Variants in VWDE observed in about 807,000 individuals in gnomAD.
The protein encoded by VWDE is von Willebrand factor D and EGF domain-containing protein.
VWDE carries 207 observed loss-of-function variants against 178.4 expected under a neutral mutation model. That is an observed-to-expected ratio of 1.16 (90% confidence interval 1.04 to 1.30). The LOEUF is 1.30. Ranked by LOEUF, VWDE falls within the 50% of genes most tolerant of loss-of-function variation. The probability of loss-of-function intolerance (pLI) is 0.00; values close to 1 mark genes in which losing one functional copy is unlikely to be tolerated. For missense variants in VWDE, 2,287 were observed against 1,901.3 expected (o/e 1.20, Z -3.77); for synonymous variants, 738 against 651.4 (o/e 1.13, Z -2.02).
In VWDE at chr7:12,372,972, C is replaced by G; in HGVS notation, c.1587+5G>C. ...ATACTTTCAATGTTAAAGAATCATA[C>G]ATACTGTGACTTTTCTTCCTAAGTA... is the stretch of plus-strand genomic sequence containing the variant. On this transcript the variant is annotated splice_donor_5th_base_variant and intron_variant, in intron 10 of 28. Transcript: ENST00000275358. 1 of 1,550,374 alleles carries G rather than the reference C, an allele frequency of 6.5e-7. No homozygotes were observed. The highest frequency in any genetic ancestry group is 2.4e-5 in the East Asian group (1 of 40,892).
rs141845892 is a variant in VWDE, at chr7:12,383,519, C to A, written c.541+17G>T. 164 of 1,547,896 alleles carry A rather than the reference C, an allele frequency of 1.1e-4. 1 individual carries two copies. In the African/African-American group the frequency reaches 2.0e-3, roughly 18 times the overall value. On this transcript the variant is annotated intron_variant, in intron 4 of 28. Coordinates refer to ENST00000275358, the MANE Select transcript of VWDE (RefSeq NM_001135924.3). Reference sequence around the variant, plus strand: ...GTTTATAAAAACACTATTAAAAAAGCAAAATATGATACTTACGAACACAAT... The same window carrying A: ...GTTTATAAAAACACTATTAAAAAAGAAAAATATGATACTTACGAACACAAT...
At position 12,399,908 on chromosome 7, in the gene VWDE, A is replaced by G. The variant is rs190299679; in HGVS notation, c.58+3751T>C. 2.9e-3 allele frequency among the ~76,000 whole-genome samples: 437 copies of G among 152,296 alleles called. 1 individual carries two copies. The highest frequency in any genetic ancestry group is 8.7e-3 in the South Asian group (42 of 4,824). On this transcript the variant is annotated intron_variant, in intron 1 of 28. Transcript: ENST00000275358. ...GTGATTACAATGGAATGAAATTAGAACTCAATAACAATGAAATTTAAAAAA... is the reference window on the plus strand; with the variant it reads ...GTGATTACAATGGAATGAAATTAGAGCTCAATAACAATGAAATTTAAAAAA...
intron 18 of VWDE, among the ~76,000 whole-genome samples, chr7:12,352,883 T>C (rs898552898): frequency 8.5e-5 from 13 of 152,078 alleles, no homozygotes; most frequent in Admixed American, 6.6e-5. Context: ...TGCCCACCAA[T>C]TTTTTTTGTC....
chr7:12,394,568 G>A (rs1784541123), intron 1 of VWDE, among the ~76,000 whole-genome samples: 1 of 152,128 alleles, frequency 6.6e-6, no homozygotes, highest in Non-Finnish European at 1.5e-5. Flanking sequence ...CAGAAGAGCA[G>A]GCAGTGAAAC....
chr7:12,358,250 T>G (rs1367832649), intron 16 of VWDE, among the ~76,000 whole-genome samples: 2 of 152,048 alleles, frequency 1.3e-5, no homozygotes, highest in African/African-American at 4.8e-5. Flanking sequence ...GGTGGGTACC[T>G]GTAATTCCAG....
intron 15 of VWDE, among the ~76,000 whole-genome samples, chr7:12,360,134 C>G (rs73678126): frequency 0.015 from 2,226 of 152,194 alleles, 51 homozygotes; most frequent in African/African-American, 0.052. Context: ...GCCAACTAGA[C>G]CAGATCTTTG....
intron 13 of VWDE, among the ~76,000 whole-genome samples, chr7:12,362,912 T>C (rs1294834766): frequency 6.6e-6 from 1 of 152,108 alleles, no homozygotes; most frequent in East Asian, 1.9e-4. Flanking sequence ...CTCGGTTTCT[T>C]GTGCAGAAAG....
chr7:12,342,211 G>A, intron 22 of VWDE, 57 bp from the exon 23 acceptor site: 2 of 1,393,164 alleles, frequency 1.4e-6, no homozygotes, highest in Non-Finnish European at 2.0e-6. Flanking sequence ...TCATATTGTT[G>A]GTTATTATCT....
At chr7:12,388,549 C>G (rs1784217332) in intron 3 of VWDE, among the ~76,000 whole-genome samples, 1 of 152,146 alleles carries the variant, frequency 6.6e-6, no homozygotes, top group Admixed American at 6.5e-5. Flanking sequence ...ATTTAATTAT[C>G]TACTCATACA....
intron 9 of VWDE, among the ~76,000 whole-genome samples, chr7:12,373,881 C>T (rs560087797): frequency 6.6e-6 from 1 of 152,198 alleles, no homozygotes; most frequent in South Asian, 2.1e-4. Flanking sequence ...TAGTTATAAC[C>T]GTAAAGGATT....
chr7:12,369,073 T>C (rs1255171490), intron 12 of VWDE, among the ~76,000 whole-genome samples: 2 of 152,162 alleles, frequency 1.3e-5, no homozygotes, highest in Non-Finnish European at 2.9e-5. Flanking sequence ...TATAGATAGA[T>C]GCATTAGAGA....
At chr7:12,341,372 G>C (rs574415337) in intron 23 of VWDE, among the ~76,000 whole-genome samples, 8 of 152,252 alleles carry the variant, frequency 5.3e-5, no homozygotes, top group African/African-American at 1.9e-4. Context: ...AGTGGCTCAC[G>C]CTTGTAATCC....
intron 9 of VWDE, 62 bp downstream of exon 9, chr7:12,374,627 A>C: frequency 6.5e-6 from 8 of 1,233,276 alleles, no homozygotes; most frequent in Non-Finnish European, 9.1e-6. Flanking sequence ...ACACTGTTTA[A>C]AATAAAACAA....
intron 3 of VWDE, among the ~76,000 whole-genome samples, chr7:12,388,432 A>G (rs1187007353): frequency 6.6e-6 from 1 of 152,130 alleles, no homozygotes; most frequent in African/African-American, 2.4e-5. Context: ...GAAACAACTC[A>G]AATGCAGCCA....
Position 12,356,338 on chromosome 7 carries a change from AC to A in VWDE, c.3526-9del. 7 of 1,545,684 alleles carry A rather than the reference AC, an allele frequency of 4.5e-6. No individual in the cohort carries two copies. Among genetic ancestry groups the A allele is most frequent in the African/African-American group, 1.4e-5 (1 of 72,690 alleles). On this transcript the variant is annotated splice_polypyrimidine_tract_variant and intron_variant, in intron 17 of 28. Coordinates refer to ENST00000275358, the MANE Select transcript of VWDE (RefSeq NM_001135924.3). ...ACAAGACTTCACAGTCACCTACAAA[AC>A]AAAAAAAAAGGAAATGTCTTATTTT...
At chr7:12,341,727 G>A (rs1019976925) in intron 23 of VWDE, among the ~76,000 whole-genome samples, 2 of 152,094 alleles carry the variant, frequency 1.3e-5, no homozygotes, top group Admixed American at 6.5e-5. Context: ...AATGAAATAG[G>A]ATGTTTGTAT....
At chr7:12,364,213 C>T (rs1782736313) in intron 13 of VWDE, among the ~76,000 whole-genome samples, 1 of 152,078 alleles carries the variant, frequency 6.6e-6, no homozygotes, top group African/African-American at 2.4e-5. Flanking sequence ...TAGGTAGTTA[C>T]GTGTGTGTAT....
At position 12,334,042 on chromosome 7, in the gene VWDE, A is replaced by T. The variant is rs183319358; in HGVS notation, c.4655-474T>A. Among the ~76,000 whole-genome samples the T allele has an allele frequency of 3.3e-3, 498 of 152,274 alleles. 9 individuals are homozygous for T. Among genetic ancestry groups the T allele is most frequent in the African/African-American group, 0.011 (475 of 41,576 alleles). ...AATAACTACTGAAAATTTCTGAAAG[A>T]TACTCATGCTGTCTATATCATACAT... is the stretch of plus-strand genomic sequence containing the variant. On this transcript the variant is annotated intron_variant, in intron 27 of 28. Coordinates refer to ENST00000275358, the MANE Select transcript of VWDE (RefSeq NM_001135924.3).
chr7:12,360,768 A>C (rs1378257606), intron 15 of VWDE, among the ~76,000 whole-genome samples: 1 of 152,186 alleles, frequency 6.6e-6, no homozygotes, highest in African/African-American at 2.4e-5. Flanking sequence ...AAAAATACTA[A>C]CTTTATACAT....
Sources: allele counts gnomAD v4.1 joint callset (sites outside exome capture counted in the v4.1 genomes callset), GRCh38; gene constraint gnomAD v4.1.1; transcripts MANE v1.5; gene names NCBI Gene and HGNC (gene_info 2026-07-23, HGNC 2026-07-21).